The following TRANK1 variants were observed in gnomAD, a reference collection of about 807,000 sequenced individuals.
The protein encoded by TRANK1 is tetratricopeptide repeat and ankyrin repeat containing 1.
A neutral mutation model predicts 266.0 loss-of-function variants in TRANK1; 198 were observed. The ratio of observed to expected loss-of-function variants is 0.74; its 90% CI spans 0.66 to 0.84. TRANK1 has a LOEUF of 0.84. Among genes scored for constraint, TRANK1 ranks in the 40% least tolerant of loss-of-function variants. The probability of loss-of-function intolerance (pLI) is 0.00; values close to 1 mark genes in which losing one functional copy is unlikely to be tolerated. For missense variants in TRANK1, 3,326 were observed against 3,634.6 expected, an observed-to-expected ratio of 0.92 and a Z score of 2.18; for synonymous variants, 1,396 against 1,384.1, an observed-to-expected ratio of 1.01 and a Z score of -0.19.
intron 1 of TRANK1, among the ~76,000 whole-genome samples, chr3:36,938,769 G>T (rs149806960): frequency 2.5e-3 from 376 of 152,082 alleles, no homozygotes; most frequent in Non-Finnish European, 4.1e-3. Context: ...GACCAGCCTG[G>T]AAAACATGGT....
In TRANK1 at chr3:36,857,363, C is replaced by A. The variant is rs2125545911; in HGVS notation, c.2359G>T (p.Gly787Trp). Reference sequence around the variant, plus strand: ...AGGCCCACCTGAGCATGTCCTTCCCCCACCTCACTACAGTCAGGGGCCCCT... The same window carrying A: ...AGGCCCACCTGAGCATGTCCTTCCCACACCTCACTACAGTCAGGGGCCCCT... Reference protein sequence around the residue: ...GAGAPDCSEVGEGHAQVGLGA... With the variant: ...GAGAPDCSEVWEGHAQVGLGA... Residue 787 changes from glycine to tryptophan, a missense_variant, in exon 13 of 24, where the codon GGG becomes TGG. Transcript: ENST00000645898. This position sits in a 1 kb window ranked among gnomAD's most constrained non-coding sequence, Gnocchi z 4.3. 3.7e-6 allele frequency: 6 copies of A among 1,607,328 alleles called. No homozygotes were observed. In the African/African-American group the frequency reaches 5.3e-5, roughly 14 times the overall value.
At position 36,831,403 on chromosome 3, in the gene TRANK1, C is replaced by G; in HGVS notation, c.8180G>C (p.Cys2727Ser). Reference protein sequence around the residue: ...ASIQRKLRRACLVVSLCISWR... With the variant: ...ASIQRKLRRASLVVSLCISWR... ...ACTGATGCACAGAGACACCACCAGG[C>G]ATGCCCTCCTCAACTTCCGCTGTAT... The change falls in exon 22 of 24, where the codon TGC becomes TCC. Residue 2727 changes from cysteine (C) to serine (S), a missense_variant. Transcript: ENST00000645898. The surrounding 1 kb of genome is among the most constrained non-coding windows in gnomAD (Gnocchi z 5.0). 2 of 1,613,058 alleles carry G rather than the reference C, an allele frequency of 1.2e-6. No individual in the cohort carries two copies. Among genetic ancestry groups the G allele is most frequent in the Non-Finnish European group, 1.7e-6 (2 of 1,179,468 alleles).
At chr3:36,907,304 C>T (rs894637031) in intron 2 of TRANK1, among the ~76,000 whole-genome samples, 3 of 152,106 alleles carry the variant, frequency 2.0e-5, no homozygotes, top group Admixed American at 2.0e-4. Flanking sequence ...GCGTGCGCCA[C>T]TACGCCCAGC....
rs780248635 is a variant in TRANK1, at chr3:36,856,126, T to C, written c.3596A>G (p.His1199Arg). ...CCTTTGTACCTCCTGGCACAGCACA[T>C]GGTTCTTGGTCACAAAGATCTGATG... is the stretch of plus-strand genomic sequence containing the variant. Reference protein sequence around the residue: ...HLHQIFVTKNHVLCQEVQRNF... With the variant: ...HLHQIFVTKNRVLCQEVQRNF... The change falls in exon 13 of 24, where the codon CAT (histidine) becomes CGT (arginine). Residue 1199 changes from histidine (H) to arginine (R), a missense_variant. His to Arg is a conservative substitution (Grantham distance 29, BLOSUM62 0). Coordinates refer to ENST00000645898, the MANE Select transcript of TRANK1 (RefSeq NM_001329998.2). 6.2e-7 allele frequency: 1 copy of C among 1,613,768 alleles called. No individual in the cohort carries two copies. Among genetic ancestry groups the C allele is most frequent in the Non-Finnish European group, 8.5e-7 (1 of 1,179,884 alleles).
intron 1 of TRANK1, among the ~76,000 whole-genome samples, chr3:36,933,297 G>A (rs1290194714): frequency 2.6e-5 from 4 of 152,370 alleles, no homozygotes; most frequent in South Asian, 2.1e-4. Context: ...AAAGGCTCTC[G>A]TGCCCCTTTG....
At position 36,879,837 on chromosome 3, in the gene TRANK1, T is replaced by C. The variant is rs922664169; in HGVS notation, c.908-5541A>G. ...GTAAATATACAAATATATGTAAATA[T>C]ACAAATATATGTAAATATACAAATA... On this transcript the variant is annotated intron_variant, in intron 8 of 23. Coordinates refer to ENST00000645898, the MANE Select transcript of TRANK1 (RefSeq NM_001329998.2). Among the ~76,000 whole-genome samples, 2 of 115,632 alleles carry C rather than the reference T, an allele frequency of 1.7e-5. 1 individual carries two copies. The highest frequency in any genetic ancestry group is 7.7e-5 in the African/African-American group (2 of 26,120). The allele number at this position is 115,632 out of a possible 152,430, so 75.9% of individuals were successfully genotyped here.
At chr3:36,851,408 T>C (rs756215971) in intron 15 of TRANK1, 381 of 1,095,878 alleles carry the variant, frequency 3.5e-4, no homozygotes, top group Non-Finnish European at 4.2e-4. Flanking sequence ...TTGCTCCAAC[T>C]TGGGCATCCC....
chr3:36,902,826 A>G (rs1270279266), intron 3 of TRANK1, among the ~76,000 whole-genome samples: 1 of 152,228 alleles, frequency 6.6e-6, no homozygotes, highest in Non-Finnish European at 1.5e-5. Context: ...TGTGATCTCC[A>G]TTGTGCTCCA....
chr3:36,838,705 C>T lies in TRANK1; in HGVS notation c.5292G>A (p.Lys1764=), dbSNP rs373544358. Residue 1764 remains lysine (K), a synonymous_variant, in exon 19 of 24, where the codon AAG becomes AAA. Transcript: ENST00000645898. ...AKHQCWKVAA[K]CYQKGGAFEK... ...CAAATGCACCTCCTTTCTGGTAACA[C>T]TTGGCTGCAACCTGGAATAGGCAAA... 102 of 1,613,508 alleles carry T rather than the reference C, an allele frequency of 6.3e-5. No individual in the cohort carries two copies. The highest frequency in any genetic ancestry group is 2.2e-4 in the Admixed American group (13 of 59,964).
chr3:36,883,556 A>G (rs918225922), intron 8 of TRANK1, among the ~76,000 whole-genome samples: 3 of 151,980 alleles, frequency 2.0e-5, no homozygotes, highest in Non-Finnish European at 4.4e-5. Flanking sequence ...AGGGAGCTAT[A>G]AGAAAATAGC....
intron 9 of TRANK1, among the ~76,000 whole-genome samples, chr3:36,870,297 C>T (rs1418977308): frequency 6.6e-6 from 1 of 152,046 alleles, no homozygotes; most frequent in East Asian, 1.9e-4. Flanking sequence ...ATCCCAGCTA[C>T]GTGGGAGGCT....
chr3:36,864,510 A>G lies in TRANK1; in HGVS notation c.1079-30T>C, dbSNP rs1263859117. ...AAAACAGCACCAGGTAATGCTTCTG[A>G]ATACAGAAATTGCAGCTGTTACAGA... On this transcript the variant is annotated intron_variant, in intron 9 of 23. Transcript: ENST00000645898. 2.0e-6 allele frequency: 3 copies of G among 1,491,492 alleles called. No individual in the cohort carries two copies. In the African/African-American group the frequency reaches 4.2e-5, roughly 21 times the overall value. The allele number at this position is 1,491,492 out of a possible 1,614,324, so 92.4% of individuals were successfully genotyped here.
intron 8 of TRANK1, 37 bp from the exon 9 acceptor site, chr3:36,874,333 G>T: frequency 6.5e-7 from 1 of 1,527,718 alleles, no homozygotes; most frequent in Middle Eastern, 1.8e-4. Context: ...TGTTTGTCAT[G>T]GTTCCTTCCA....
chr3:36,888,159 G>A (rs1469185961), intron 8 of TRANK1, among the ~76,000 whole-genome samples: 1 of 152,170 alleles, frequency 6.6e-6, no homozygotes, highest in Non-Finnish European at 1.5e-5. Flanking sequence ...CTATTATTTG[G>A]CAATAAAAAG....
chr3:36,856,729 T>C lies in TRANK1; in HGVS notation c.2993A>G (p.Glu998Gly). Reference protein sequence around the residue: ...IQKRIPRCYVEDTEAEKGREH... With the variant: ...IQKRIPRCYVGDTEAEKGREH... ...CCTGCCCTTCTCGGCCTCTGTGTCCTCCACATAGCAGCGAGGTATACGCTT... is the reference window on the plus strand; with the variant it reads ...CCTGCCCTTCTCGGCCTCTGTGTCCCCCACATAGCAGCGAGGTATACGCTT... Residue 998 changes from glutamate to glycine, a missense_variant, in exon 13 of 24, where the codon GAG (glutamate) becomes GGG (glycine). By Grantham distance (98) the Glu-to-Gly change is moderately conservative. Coordinates refer to ENST00000645898, the MANE Select transcript of TRANK1 (RefSeq NM_001329998.2). 2 of 1,614,040 alleles carry C rather than the reference T, an allele frequency of 1.2e-6. No individual in the cohort carries two copies. Among genetic ancestry groups the C allele is most frequent in the East Asian group, 2.2e-5 (1 of 44,886 alleles).
intron 1 of TRANK1, among the ~76,000 whole-genome samples, chr3:36,939,559 C>A (rs577439972): frequency 6.6e-6 from 1 of 152,194 alleles, no homozygotes; most frequent in African/African-American, 2.4e-5. Context: ...AATTTCTAGG[C>A]CTCAGTTTCC....
intron 5 of TRANK1, 108 bp downstream of exon 5, chr3:36,895,532 T>G (rs932554310): frequency 6.2e-6 from 4 of 647,454 alleles, no homozygotes; most frequent in Non-Finnish European, 9.6e-6. Context: ...AAATTTACCC[T>G]GGCATCAAGA....
At chr3:36,899,996 A>C (rs1364663379) in intron 3 of TRANK1, among the ~76,000 whole-genome samples, 1 of 152,170 alleles carries the variant, frequency 6.6e-6, no homozygotes. Context: ...AGTAGCTGGG[A>C]CTACAGGTGT....
At chr3:36,850,074 A>T in intron 15 of TRANK1, 15 of 985,464 alleles carry the variant, frequency 1.5e-5, no homozygotes, top group Non-Finnish European at 1.8e-5. Flanking sequence ...CAGATCCTTA[A>T]GTCCAGAGCT....
Sources: gnomAD v4.1 joint callset for allele counts (sites outside exome capture counted in the v4.1 genomes callset) on GRCh38, gnomAD v4.1.1 for gene constraint, Gnocchi (gnomAD v3.1) non-coding constraint, MANE v1.5 for transcripts, NCBI Gene and HGNC (gene_info 2026-07-23, HGNC 2026-07-21) for gene names.